GLCCI1: variants seen among roughly 807,000 people sequenced by gnomAD.
The protein encoded by GLCCI1 is glucocorticoid-induced transcript 1 protein.
A neutral mutation model predicts 52.2 loss-of-function variants in GLCCI1; 24 were observed. The ratio of observed to expected loss-of-function variants is 0.46; its 90% confidence interval spans 0.33 to 0.65. GLCCI1 has a LOEUF of 0.65. GLCCI1 is among the 30% of genes least tolerant of loss of function. The pLI, the probability that GLCCI1 is intolerant of heterozygous loss-of-function variation, is 0.02. For missense variants in GLCCI1, 704 were observed against 701.5 expected (o/e 1.00, Z -0.04); for synonymous variants, 310 against 276.5 (o/e 1.12, Z -1.20).
intron 1 of GLCCI1, among the ~76,000 whole-genome samples, chr7:8,002,190 T>C (rs1204491680): frequency 2.0e-5 from 3 of 152,262 alleles, no homozygotes; most frequent in Middle Eastern, 6.8e-3. Context: ...AGAGAATTTT[T>C]AGAACTCAAT....
chr7:8,042,866 A>G (rs1290359489), intron 3 of GLCCI1, among the ~76,000 whole-genome samples: 2 of 152,228 alleles, frequency 1.3e-5, no homozygotes, highest in Non-Finnish European at 2.9e-5. Flanking sequence ...ATTGACTCCA[A>G]TTTTAAAAGA....
intron 3 of GLCCI1, among the ~76,000 whole-genome samples, chr7:8,053,893 T>G (rs957016647): frequency 2.0e-5 from 3 of 152,184 alleles, no homozygotes; most frequent in African/African-American, 7.2e-5. Context: ...GTTGGTAATC[T>G]AAGTGAAGTA....
chr7:7,997,214 T>G (rs532264662), intron 1 of GLCCI1, among the ~76,000 whole-genome samples: 1 of 152,174 alleles, frequency 6.6e-6, no homozygotes, highest in South Asian at 2.1e-4. Flanking sequence ...CCTTTTTTTT[T>G]AAATTTATTT....
Position 8,057,170 on chromosome 7 carries a change from C to A in GLCCI1, c.813+1621C>A, listed in dbSNP as rs918395516. 6.6e-5 allele frequency among the ~76,000 whole-genome samples: 10 copies of A among 152,000 alleles called. No individual in the cohort carries two copies. In the East Asian group the frequency reaches 1.9e-3, roughly 29 times the overall value. On this transcript the variant is annotated intron_variant, in intron 4 of 7. Transcript: ENST00000223145. ...CTTAAGAAGTTAAACATATGCTGAC[C>A]GTTCAACCTAGAATTTTCGCCCTTT...
chr7:7,986,926 A>G (rs775924984), intron 1 of GLCCI1, among the ~76,000 whole-genome samples: 1 of 152,154 alleles, frequency 6.6e-6, no homozygotes, highest in Non-Finnish European at 1.5e-5. Flanking sequence ...TCTACTGAAC[A>G]TGGTGGGGTT....
At chr7:8,066,370 A>C (rs1314768570) in intron 5 of GLCCI1, among the ~76,000 whole-genome samples, 1 of 151,908 alleles carries the variant, frequency 6.6e-6, no homozygotes, top group Non-Finnish European at 1.5e-5. Context: ...GGTTTTTTGC[A>C]TCTCAGTTTC....
chr7:8,055,507 G>T lies in GLCCI1; in HGVS notation c.771G>T (p.Gln257His). The T allele has an allele frequency of 2.5e-6, 4 of 1,613,576 alleles. No individual in the cohort carries two copies. In the South Asian group the frequency reaches 4.4e-5, roughly 18 times the overall value. The change falls in exon 4 of 8, where the codon CAG becomes CAT. Residue 257 changes from glutamine (Q) to histidine (H), a missense_variant. Physicochemically the swap from Gln to His is conservative, Grantham distance 24. Around this residue, in one of 3 missense-constraint regions of GLCCI1, gnomAD observed 547 missense variants for 524.8 expected, o/e 1.04. Transcript: ENST00000223145. ...SSRHSKEKDRQSPLHGNHITI... is the reference protein window; with the variant it reads ...SSRHSKEKDRHSPLHGNHITI... Reference sequence around the variant, plus strand: ...GTCACAGTAAGGAGAAAGATCGCCAGTCACCTCTTCATGGCAACCATATAA... The same window carrying T: ...GTCACAGTAAGGAGAAAGATCGCCATTCACCTCTTCATGGCAACCATATAA...
Position 7,969,681 on chromosome 7 carries a change from C to G in GLCCI1, c.331C>G (p.Pro111Ala), listed in dbSNP as rs1430857493. 5 of 1,121,276 alleles carry G rather than the reference C, an allele frequency of 4.5e-6. No individual in the cohort carries two copies. The highest frequency in any genetic ancestry group is 1.1e-4 in the Admixed American group (2 of 17,858). 69.5% of individuals were successfully genotyped at this position (1,121,276 alleles called of 1,614,324 possible). ...CGGCCCCAGCCCGTCCAGCCCGACG[C>G]CGCCGGCGGCCGCAGCCCCGGCCGA... ...ARGPSPSSPT[P>A]PAAAAPAEQA... Residue 111 changes from proline (P) to alanine (A), a missense_variant, in exon 1 of 8, where the codon CCG becomes GCG. By Grantham distance (27) the Pro-to-Ala change is conservative. This residue lies in a region of GLCCI1 where 547 missense variants were observed against 524.8 expected (regional missense o/e 1.04). Transcript: ENST00000223145. This position sits in a 1 kb window ranked among gnomAD's most constrained non-coding sequence, Gnocchi z 4.9.
rs73674761 is a variant in GLCCI1, at chr7:7,998,961, A to G, written c.458-4947A>G. On this transcript the variant is annotated intron_variant, in intron 1 of 7. Transcript: ENST00000223145. ...TGTATTTTTATTTTTTATTTTCTACATATACATTTCTATTTTTCTGTTTTA... is the reference window on the plus strand; with the variant it reads ...TGTATTTTTATTTTTTATTTTCTACGTATACATTTCTATTTTTCTGTTTTA... 3.6e-3 allele frequency among the ~76,000 whole-genome samples: 541 copies of G among 152,068 alleles called. 2 individuals are homozygous for G. Among genetic ancestry groups the G allele is most frequent in the African/African-American group, 0.012 (501 of 41,566 alleles).
In GLCCI1 at chr7:8,055,415, C is replaced by G. The variant is rs201859219; in HGVS notation, c.697-18C>G. 1.3e-6 allele frequency: 2 copies of G among 1,526,360 alleles called. No homozygotes were observed. Among genetic ancestry groups the G allele is most frequent in the South Asian group, 2.3e-5 (2 of 88,398 alleles). 94.6% of individuals were successfully genotyped at this position (1,526,360 alleles called of 1,614,324 possible). Reference sequence around the variant, plus strand: ...TCACTTTTATTCTCTTCTTACTTCTCTTTCCCTGTCCCCAAAGCAGATCGC... The same window carrying G: ...TCACTTTTATTCTCTTCTTACTTCTGTTTCCCTGTCCCCAAAGCAGATCGC... On this transcript the variant is annotated intron_variant, in intron 3 of 7. Coordinates refer to ENST00000223145, the MANE Select transcript of GLCCI1 (RefSeq NM_138426.4).
At chr7:8,060,973 C>T (rs1228616252) in intron 5 of GLCCI1, among the ~76,000 whole-genome samples, 1 of 152,122 alleles carries the variant, frequency 6.6e-6, no homozygotes, top group Non-Finnish European at 1.5e-5. Flanking sequence ...TCCTCACCAA[C>T]ACTTGTAATT....
chr7:7,991,445 G>A (rs746001184), intron 1 of GLCCI1, among the ~76,000 whole-genome samples: 1 of 151,888 alleles, frequency 6.6e-6, no homozygotes, highest in Non-Finnish European at 1.5e-5. Flanking sequence ...AGAATTAGAG[G>A]AATTATAGGC....
intron 5 of GLCCI1, among the ~76,000 whole-genome samples, chr7:8,068,124 G>A (rs958254496): frequency 1.2e-4 from 18 of 152,176 alleles, no homozygotes; most frequent in African/African-American, 4.3e-4. Context: ...GGCCAAGGCA[G>A]GATCACCTGA....
At chr7:8,041,604 C>A (rs895759586) in intron 3 of GLCCI1, among the ~76,000 whole-genome samples, 3 of 151,892 alleles carry the variant, frequency 2.0e-5, no homozygotes, top group Non-Finnish European at 4.4e-5. Context: ...TGCTTTTTTT[C>A]TTTTTTTCGA....
At chr7:8,051,379 G>C (rs760320547) in intron 3 of GLCCI1, among the ~76,000 whole-genome samples, 2 of 152,194 alleles carry the variant, frequency 1.3e-5, no homozygotes, top group Non-Finnish European at 2.9e-5. Context: ...TCTTCTGTTA[G>C]TACTATTTCC....
At chr7:7,998,082 C>A (rs958158690) in intron 1 of GLCCI1, among the ~76,000 whole-genome samples, 5 of 151,278 alleles carry the variant, frequency 3.3e-5, no homozygotes, top group African/African-American at 1.2e-4. Flanking sequence ...TATATTAGAG[C>A]AGTCTGATTT....
intron 2 of GLCCI1, among the ~76,000 whole-genome samples, chr7:8,016,169 T>C (rs1781372911): frequency 6.6e-6 from 1 of 152,196 alleles, no homozygotes; most frequent in Non-Finnish European, 1.5e-5. Context: ...AGAGACATTA[T>C]GCCTTAACAG....
intron 1 of GLCCI1, among the ~76,000 whole-genome samples, chr7:7,988,488 A>G (rs533273536): frequency 7.9e-5 from 12 of 152,266 alleles, no homozygotes; most frequent in East Asian, 7.7e-4. Flanking sequence ...GAGGAATTAT[A>G]TATGTTTTCT....
intron 3 of GLCCI1, among the ~76,000 whole-genome samples, chr7:8,044,475 C>G (rs1318153719): frequency 6.6e-6 from 1 of 150,886 alleles, no homozygotes; most frequent in Non-Finnish European, 1.5e-5. Flanking sequence ...TTCAAGTGAT[C>G]CTTCTACCTC....
Sources: allele counts gnomAD v4.1 joint callset (sites outside exome capture counted in the v4.1 genomes callset), GRCh38; gene constraint gnomAD v4.1.1; regional missense constraint gnomAD v4.1.1; non-coding constraint Gnocchi (gnomAD v3.1); transcripts MANE v1.5; gene names NCBI Gene and HGNC (gene_info 2026-07-23, HGNC 2026-07-21).